Variants in ANKS1B observed in about 807,000 individuals in gnomAD.
ANKS1B encodes ankyrin repeat and sterile alpha motif domain containing 1B.
A neutral mutation model predicts 148.3 loss-of-function variants in ANKS1B; 36 were observed. The ratio of observed to expected loss-of-function variants is 0.24; its 90% CI spans 0.19 to 0.32. The LOEUF (loss-of-function observed/expected upper bound fraction) is 0.32. Ranked by LOEUF, ANKS1B falls within the 10% of genes least tolerant of loss-of-function variation. ANKS1B has a pLI of 1.00. For synonymous variants in ANKS1B, 542 were observed against 560.8 expected (o/e 0.97, Z 0.47); for missense variants, 1,157 against 1,542.6 (o/e 0.75, Z 4.19).
At chr12:99,825,793 G>T (rs1238930488) in intron 1 of ANKS1B, among the ~76,000 whole-genome samples, 3 of 152,166 alleles carry the variant, frequency 2.0e-5, no homozygotes, top group Non-Finnish European at 4.4e-5. Flanking sequence ...TGAGGTGCCG[G>T]TGATTTATAT....
chr12:98,977,828 T>C lies in ANKS1B; in HGVS notation c.2778+75329A>G, dbSNP rs572733542. On this transcript the variant is annotated intron_variant, in intron 17 of 26. Transcript: ENST00000683438. The stretch of plus-strand genomic sequence containing the variant: ...AATAGCAGTTTATACTTCATACTCA[T>C]ACAGTCAATAGACATTGGTAGCTTA... Among the ~76,000 whole-genome samples the C allele has an allele frequency of 3.3e-3, 501 of 152,266 alleles. 1 individual carries two copies. The highest frequency in any genetic ancestry group is 0.012 in the African/African-American group (485 of 41,572).
chr12:99,772,089 G>T (rs1418055179), intron 8 of ANKS1B, among the ~76,000 whole-genome samples: 2 of 151,960 alleles, frequency 1.3e-5, no homozygotes, highest in Non-Finnish European at 2.9e-5. Flanking sequence ...TATACTATAA[G>T]TCCTTCCTCT....
intron 16 of ANKS1B, among the ~76,000 whole-genome samples, chr12:99,060,294 T>A (rs935429504): frequency 6.6e-6 from 1 of 152,046 alleles, no homozygotes; most frequent in Non-Finnish European, 1.5e-5. Flanking sequence ...AGAGAGAGTA[T>A]GCTGTTAACA....
intron 17 of ANKS1B, 39 bp downstream of exon 17, chr12:99,053,117 AG>A: frequency 6.6e-7 from 1 of 1,505,088 alleles, no homozygotes; most frequent in Non-Finnish European, 8.9e-7. Flanking sequence ...TCATTTATCA[AG>A]GGTTGAATAG....
chr12:99,592,119 C>A (rs367670197), intron 9 of ANKS1B, among the ~76,000 whole-genome samples: 28 of 152,106 alleles, frequency 1.8e-4, no homozygotes, highest in Non-Finnish European at 3.4e-4. Context: ...TCTGTTCATA[C>A]TAATATAATG....
In ANKS1B at chr12:99,456,670, C is replaced by T. The variant is rs183799988; in HGVS notation, c.1439-12861G>A. Among the ~76,000 whole-genome samples the T allele has an allele frequency of 4.2e-3, 641 of 152,206 alleles. 4 individuals are homozygous for T. The highest frequency in any genetic ancestry group is 0.015 in the African/African-American group (614 of 41,538). ...GAATCAAACAAGTAGAAGAAAAAAA[C>T]TTCAGAGCTTGAAATCAAGGCTTTC... On this transcript the variant is annotated intron_variant, in intron 10 of 26. Transcript: ENST00000683438.
At chr12:99,571,746 C>A (rs2097458161) in intron 9 of ANKS1B, among the ~76,000 whole-genome samples, 1 of 152,056 alleles carries the variant, frequency 6.6e-6, no homozygotes. Flanking sequence ...ATAGCCAAGT[C>A]ATTATTATAT....
intron 1 of ANKS1B, among the ~76,000 whole-genome samples, chr12:99,958,372 T>A (rs1350625534): frequency 1.3e-5 from 2 of 152,156 alleles, no homozygotes; most frequent in Admixed American, 6.5e-5. Flanking sequence ...GGCAAGCCAC[T>A]GATTTTTTTT....
intron 8 of ANKS1B, among the ~76,000 whole-genome samples, chr12:99,764,441 A>G (rs2062452991): frequency 6.6e-6 from 1 of 152,200 alleles, no homozygotes; most frequent in South Asian, 2.1e-4. Context: ...ATTTATTTAG[A>G]GACAGAGTTT....
intron 1 of ANKS1B, among the ~76,000 whole-genome samples, chr12:99,874,935 T>C (rs773914191): frequency 8.5e-5 from 13 of 152,220 alleles, no homozygotes; most frequent in Admixed American, 6.5e-4. Context: ...AAGCACGTAT[T>C]ATAGTAAGAA....
intron 8 of ANKS1B, among the ~76,000 whole-genome samples, chr12:99,655,733 C>T (rs4986688): frequency 0.19 from 29,623 of 151,978 alleles, 3,095 homozygotes; most frequent in East Asian, 0.45. Flanking sequence ...TATTTTCCTT[C>T]GTTATCTCCC....
chr12:98,758,832 G>A (rs1341905971), intron 25 of ANKS1B, among the ~76,000 whole-genome samples: 2 of 140,688 alleles, frequency 1.4e-5, no homozygotes, highest in Non-Finnish European at 3.0e-5. Context: ...CTAGGCTGGA[G>A]TGCAGTGGTG....
At chr12:99,193,833 GCT>G (rs2081059143) in intron 14 of ANKS1B, among the ~76,000 whole-genome samples, 1 of 97,146 alleles carries the variant, frequency 1.0e-5, no homozygotes, top group African/African-American at 3.9e-5. Flanking sequence ...ATGGAGTCTT[GCT>G]CTGTCACCCA....
At chr12:99,509,612 T>C (rs1455436676) in intron 9 of ANKS1B, among the ~76,000 whole-genome samples, 2 of 151,950 alleles carry the variant, frequency 1.3e-5, no homozygotes, top group African/African-American at 4.8e-5. Context: ...AAGCTGGCTG[T>C]GGTTAGTTCA....
At chr12:99,680,925 T>C (rs980668875) in intron 8 of ANKS1B, among the ~76,000 whole-genome samples, 9 of 151,380 alleles carry the variant, frequency 5.9e-5, no homozygotes, top group Non-Finnish European at 1.3e-4. Flanking sequence ...GCAGCCATAA[T>C]CCCCCTAAGA....
At chr12:99,982,007 T>C in intron 1 of ANKS1B, among the ~76,000 whole-genome samples, 1 of 152,184 alleles carries the variant, frequency 6.6e-6, no homozygotes, top group East Asian at 1.9e-4. Flanking sequence ...TGTCATTTTA[T>C]GCAAATGATT....
chr12:99,552,663 C>A (rs909867339), intron 9 of ANKS1B, among the ~76,000 whole-genome samples: 1 of 152,066 alleles, frequency 6.6e-6, no homozygotes, highest in Admixed American at 6.6e-5. Flanking sequence ...TAGATATAAA[C>A]AATAACATGG....
At chr12:98,996,102 T>C (rs1351746746) in intron 17 of ANKS1B, among the ~76,000 whole-genome samples, 1 of 152,144 alleles carries the variant, frequency 6.6e-6, no homozygotes, top group East Asian at 1.9e-4. Flanking sequence ...TTGGGTAGAA[T>C]ATTCAGAAGA....
chr12:99,629,559 G>A (rs2098139089), intron 9 of ANKS1B, among the ~76,000 whole-genome samples: 1 of 152,122 alleles, frequency 6.6e-6, no homozygotes, highest in Non-Finnish European at 1.5e-5. Flanking sequence ...CCTCTAGGAT[G>A]TAAGTGCTGT....
Sources: allele counts gnomAD v4.1 joint callset (sites outside exome capture counted in the v4.1 genomes callset), GRCh38; gene constraint gnomAD v4.1.1; transcripts MANE v1.5; gene names NCBI Gene and HGNC (gene_info 2026-07-23, HGNC 2026-07-21).